The following PCDHA3 variants were observed in gnomAD, a reference collection of about 807,000 sequenced individuals.
The protein encoded by PCDHA3 is protocadherin alpha-3.
Under a neutral mutation model 62.2 loss-of-function variants are expected in PCDHA3, and 41 were observed. The ratio of observed to expected loss-of-function variants is 0.66; its 90% confidence interval spans 0.51 to 0.86. PCDHA3 has a LOEUF of 0.86. PCDHA3 is among the 40% of genes least tolerant of loss of function. PCDHA3 has a pLI of 0.00. For synonymous variants in PCDHA3, 640 were observed against 555.4 expected (o/e 1.15, Z -2.14); for missense variants, 1,304 against 1,241.2 (o/e 1.05, Z -0.76).
chr5:140,885,152 T>C (rs1182560213), intron 1 of PCDHA3, among the ~76,000 whole-genome samples: 1 of 152,206 alleles, frequency 6.6e-6, no homozygotes, highest in African/African-American at 2.4e-5. Context: ...CTGTTTTGAT[T>C]GTCTCTACTT....
intron 1 of PCDHA3, chr5:140,834,305 T>C (rs2150215189): frequency 1.5e-6 from 2 of 1,328,712 alleles, no homozygotes; most frequent in African/African-American, 1.5e-5. Flanking sequence ...CACATCGAGA[T>C]TGAAATGAAG....
chr5:141,000,737 G>A (rs1449947824), intron 3 of PCDHA3, among the ~76,000 whole-genome samples: 21 of 149,738 alleles, frequency 1.4e-4, no homozygotes, highest in African/African-American at 5.0e-4. Context: ...CCCTATCTCT[G>A]TATATTAAAA....
rs185908462 is a variant in PCDHA3 at position 140,840,862 on chromosome 5, T to C, written c.2394+37271T>C. Among the ~76,000 whole-genome samples, 246 of 152,114 alleles carry C rather than the reference T, an allele frequency of 1.6e-3. 2 individuals carry two copies. The highest frequency in any genetic ancestry group is 5.6e-3 in the African/African-American group (234 of 41,462). ...AATGCATTTCTTCCACACGAAACTA[T>C]GGAGGACAGTTTACATTTCTGATAT... On this transcript the variant is annotated intron_variant, in intron 1 of 3. Transcript: ENST00000522353.
At chr5:140,871,709 C>A in intron 1 of PCDHA3, 6 of 829,698 alleles carry the variant, frequency 7.2e-6, no homozygotes, top group Non-Finnish European at 1.1e-5. Flanking sequence ...CAATAAATGT[C>A]CTATTTCTCT....
chr5:140,809,185 G>C, intron 1 of PCDHA3: 1 of 1,614,048 alleles, frequency 6.2e-7, no homozygotes, highest in Non-Finnish European at 8.5e-7. Context: ...CCACTGTGCT[G>C]GTGTCACTTG....
chr5:140,884,053 C>G (rs782043806), intron 1 of PCDHA3: 1 of 1,613,496 alleles, frequency 6.2e-7, no homozygotes, highest in Admixed American at 1.7e-5. Context: ...CGAAGGTGCG[C>G]GCGGTGGACG....
At position 140,897,557 on chromosome 5, in the gene PCDHA3, A is replaced by G. The variant is rs2066188249; in HGVS notation, c.2395-81392A>G. Reference sequence around the variant, plus strand: ...GGCTGCATAGTCTTCCATGGTGTATATGTGCCACATTTTCTTAATCCAGTC... The same window carrying G: ...GGCTGCATAGTCTTCCATGGTGTATGTGTGCCACATTTTCTTAATCCAGTC... On this transcript the variant is annotated intron_variant, in intron 1 of 3. Coordinates refer to ENST00000522353, the MANE Select transcript of PCDHA3 (RefSeq NM_018906.3). Among the ~76,000 whole-genome samples, 4 of 151,994 alleles carry G rather than the reference A, an allele frequency of 2.6e-5. No individual in the cohort carries two copies. The South Asian group carries it at 8.3e-4, about 32-fold the overall frequency.
At chr5:140,824,412 G>A (rs1250148908) in intron 1 of PCDHA3, 1 of 519,034 alleles carries the variant, frequency 1.9e-6, no homozygotes. Context: ...GTAAGACATA[G>A]TTTGGAGTCA....
intron 1 of PCDHA3, chr5:140,835,471 C>A (rs1453069564): frequency 1.2e-6 from 2 of 1,613,816 alleles, no homozygotes; most frequent in Admixed American, 1.7e-5. Context: ...CCAGAGGACG[C>A]CCAACCAGGT....
rs146702581 is a variant in PCDHA3 at position 140,929,720 on chromosome 5, C to T, written c.2395-49229C>T. ...TATGAATATAATATGGAAGGTGAAA[C>T]ATTTACTTAAACTATTGCAATGCAT... On this transcript the variant is annotated intron_variant, in intron 1 of 3. Coordinates refer to ENST00000522353, the MANE Select transcript of PCDHA3 (RefSeq NM_018906.3). The T allele has an allele frequency of 2.8e-3, 635 of 224,158 alleles. 4 individuals are homozygous for T. The highest frequency in any genetic ancestry group is 6.2e-3 in the African/African-American group (270 of 43,802). 13.9% of individuals were successfully genotyped at this position (224,158 alleles called of 1,614,324 possible).
intron 3 of PCDHA3, among the ~76,000 whole-genome samples, chr5:140,987,478 T>A (rs2097255782): frequency 6.6e-6 from 1 of 152,104 alleles, no homozygotes. Flanking sequence ...AGCTTGGGAG[T>A]CAGTGACCCT....
In PCDHA3 at chr5:140,856,840, C is replaced by T. The variant is rs782759448; in HGVS notation, c.2394+53249C>T. On this transcript the variant is annotated intron_variant, in intron 1 of 3. Transcript: ENST00000522353. ...ACCAAACATTAGTAATACGGCTCAA[C>T]GCTTCTGATTCGGATGAAGGAATAA... is the stretch of plus-strand genomic sequence containing the variant. The T allele has an allele frequency of 7.5e-6, 12 of 1,591,778 alleles. 2 individuals are homozygous for T. The highest frequency in any genetic ancestry group is 4.0e-5 in the African/African-American group (3 of 74,140).
chr5:140,882,748 A>G (rs1562779294), intron 1 of PCDHA3: 1 of 1,614,258 alleles, frequency 6.2e-7, no homozygotes, highest in Non-Finnish European at 8.5e-7. Flanking sequence ...CATCCGATGC[A>G]GATATTGGAG....
intron 1 of PCDHA3, among the ~76,000 whole-genome samples, chr5:140,826,878 A>G (rs1769091228): frequency 6.6e-6 from 1 of 152,188 alleles, no homozygotes; most frequent in Non-Finnish European, 1.5e-5. Flanking sequence ...AATTCAATGA[A>G]AGCTGTACTC....
chr5:140,915,367 G>A lies in PCDHA3; in HGVS notation c.2395-63582G>A, dbSNP rs185020793. On this transcript the variant is annotated intron_variant, in intron 1 of 3. Coordinates refer to ENST00000522353, the MANE Select transcript of PCDHA3 (RefSeq NM_018906.3). Reference sequence around the variant, plus strand: ...TCTGTATGCCTATTCTTACCAGTAAGTGTCTCGGCATTGAAGAGCTAGGTA... The same window carrying A: ...TCTGTATGCCTATTCTTACCAGTAAATGTCTCGGCATTGAAGAGCTAGGTA... Among the ~76,000 whole-genome samples, 5 of 152,278 alleles carry A rather than the reference G, an allele frequency of 3.3e-5. No individual in the cohort carries two copies. In the East Asian group the frequency reaches 9.7e-4, roughly 29 times the overall value.
chr5:140,917,336 G>C (rs1183036523), intron 1 of PCDHA3, among the ~76,000 whole-genome samples: 1 of 144,856 alleles, frequency 6.9e-6, no homozygotes, highest in Non-Finnish European at 1.5e-5. Context: ...GGGGAGGGGG[G>C]GGATGGTGTA....
intron 1 of PCDHA3, chr5:140,966,920 C>A: frequency 6.2e-7 from 1 of 1,602,672 alleles, no homozygotes; most frequent in South Asian, 1.1e-5. Flanking sequence ...GCCAGAGGAG[C>A]AGGCACCCGG....
chr5:140,809,585 C>T, intron 1 of PCDHA3: 1 of 1,544,650 alleles, frequency 6.5e-7, no homozygotes, highest in Non-Finnish European at 8.7e-7. Context: ...TAGTGTATAA[C>T]ATCCTTTTGT....
In PCDHA3 at chr5:140,848,285, C is replaced by A. The variant is rs2150408028; in HGVS notation, c.2394+44694C>A. On this transcript the variant is annotated intron_variant, in intron 1 of 3. Coordinates refer to ENST00000522353, the MANE Select transcript of PCDHA3 (RefSeq NM_018906.3). ...TTTATTCATGAAATATGTACTTACA[C>A]TTTGGGCCACGTGATGTCACTCTTT... 1.5e-5 allele frequency: 9 copies of A among 616,904 alleles called. 3 individuals are homozygous for A. The highest frequency in any genetic ancestry group is 2.6e-5 in the Non-Finnish European group (9 of 351,312). 38.2% of individuals were successfully genotyped at this position (616,904 alleles called of 1,614,324 possible).
Sources: allele counts gnomAD v4.1 joint callset (sites outside exome capture counted in the v4.1 genomes callset), GRCh38; gene constraint gnomAD v4.1.1; transcripts MANE v1.5; gene names NCBI Gene and HGNC (gene_info 2026-07-23, HGNC 2026-07-21).